Variants in SGCZ observed in about 807,000 individuals in gnomAD.
The protein encoded by SGCZ is sarcoglycan zeta.
A neutral mutation model predicts 41.3 loss-of-function variants in SGCZ; 40 were observed. The ratio of observed to expected loss-of-function variants is 0.97; its 90% confidence interval spans 0.75 to 1.26. The LOEUF (loss-of-function observed/expected upper bound fraction) is 1.26. Among genes scored for constraint, SGCZ ranks in the 50% most tolerant of loss-of-function variants. The pLI, the probability that SGCZ is intolerant of heterozygous loss-of-function variation, is 0.00. For missense variants in SGCZ, 552 were observed against 369.8 expected, an observed-to-expected ratio of 1.49 and a Z score of -4.04; for synonymous variants, 206 against 137.5, an observed-to-expected ratio of 1.50 and a Z score of -3.49.
intron 2 of SGCZ, among the ~76,000 whole-genome samples, chr8:14,540,464 C>T (rs1803430282): frequency 6.6e-6 from 1 of 151,492 alleles, no homozygotes; most frequent in Non-Finnish European, 1.5e-5. Flanking sequence ...ATATCTGTTA[C>T]ATTATATCTC....
chr8:14,908,743 C>CAAAAAAAA (rs58817872), intron 1 of SGCZ, among the ~76,000 whole-genome samples: 3 of 91,138 alleles, frequency 3.3e-5, no homozygotes, highest in African/African-American at 8.2e-5. Flanking sequence ...GTCACCGTTG[C>CAAAAAAAA]AAAAAAAAAA....
chr8:14,171,005 T>C (rs1478023), intron 4 of SGCZ, among the ~76,000 whole-genome samples: 45,205 of 151,902 alleles, frequency 0.3, 7,431 homozygotes, highest in East Asian at 0.7. Context: ...ATTTTGGCAG[T>C]TGTTAATGTC....
chr8:14,323,287 A>C (rs1407649972), intron 3 of SGCZ, among the ~76,000 whole-genome samples: 1 of 152,098 alleles, frequency 6.6e-6, no homozygotes, highest in African/African-American at 2.4e-5. Flanking sequence ...TGATTAAAAT[A>C]TTAAAACATT....
intron 1 of SGCZ, among the ~76,000 whole-genome samples, chr8:14,668,027 G>A (rs1036274440): frequency 2.6e-5 from 4 of 152,072 alleles, no homozygotes; most frequent in African/African-American, 9.7e-5. Flanking sequence ...CACAATCCCG[G>A]CTCACTGCAA....
intron 1 of SGCZ, among the ~76,000 whole-genome samples, chr8:15,016,399 G>A (rs1803033807): frequency 6.6e-6 from 1 of 152,180 alleles, no homozygotes; most frequent in South Asian, 2.1e-4. Context: ...GATGGTAGGT[G>A]GATGGGTGGG....
intron 3 of SGCZ, among the ~76,000 whole-genome samples, chr8:14,283,736 G>C (rs1013328358): frequency 3.9e-5 from 6 of 152,252 alleles, no homozygotes; most frequent in African/African-American, 1.4e-4. Context: ...AAATAGTTTA[G>C]GATTTCTGGG....
intron 1 of SGCZ, among the ~76,000 whole-genome samples, chr8:15,097,857 C>CACAT (rs1563123989): frequency 1.8e-4 from 7 of 39,442 alleles, no homozygotes; most frequent in South Asian, 2.8e-3. Context: ...TATATATATA[C>CACAT]GTGTGTGTGT....
At chr8:15,197,301 C>A (rs867637498) in intron 1 of SGCZ, among the ~76,000 whole-genome samples, 4 of 152,120 alleles carry the variant, frequency 2.6e-5, no homozygotes, top group African/African-American at 4.8e-5. Context: ...TTAACAATTT[C>A]TTTTTTCTCT....
intron 1 of SGCZ, among the ~76,000 whole-genome samples, chr8:14,657,180 T>G (rs560638491): frequency 2.0e-5 from 3 of 152,216 alleles, no homozygotes; most frequent in African/African-American, 7.2e-5. Context: ...CTCAGCAGTC[T>G]AATTTTCTTA....
chr8:14,392,406 C>T (rs990743520), intron 2 of SGCZ, among the ~76,000 whole-genome samples: 5 of 152,068 alleles, frequency 3.3e-5, no homozygotes, highest in African/African-American at 1.2e-4. Flanking sequence ...AACTGAGGAG[C>T]CCATGGTAAT....
At chr8:14,349,980 G>A (rs1272559581) in intron 2 of SGCZ, among the ~76,000 whole-genome samples, 1 of 151,964 alleles carries the variant, frequency 6.6e-6, no homozygotes, top group African/African-American at 2.4e-5. Flanking sequence ...AAATTTACTG[G>A]CAAATTAAAT....
At chr8:14,622,999 T>C (rs983816650) in intron 1 of SGCZ, among the ~76,000 whole-genome samples, 2 of 152,184 alleles carry the variant, frequency 1.3e-5, no homozygotes, top group African/African-American at 4.8e-5. Flanking sequence ...ATGTCTGTAG[T>C]GAAAAGGTCC....
Position 14,688,492 on chromosome 8 carries a change from A to T in SGCZ, c.40-133566T>A, listed in dbSNP as rs1808691059. On this transcript the variant is annotated intron_variant, in intron 1 of 7. Coordinates refer to ENST00000382080, the MANE Select transcript of SGCZ (RefSeq NM_139167.4). ...CTTGTTTTTCTCAGGTTTGTCAAAG[A>T]TCAGATAGTTGTAGATATGCAGCAT... 2.0e-5 allele frequency among the ~76,000 whole-genome samples: 3 copies of T among 152,266 alleles called. No homozygotes were observed. The South Asian group carries it at 6.2e-4, about 32-fold the overall frequency.
intron 1 of SGCZ, among the ~76,000 whole-genome samples, chr8:15,021,824 T>C (rs754032014): frequency 1.7e-4 from 26 of 152,210 alleles, no homozygotes; most frequent in Non-Finnish European, 3.2e-4. Context: ...TTAGCATTGA[T>C]GTCTCTGACC....
intron 2 of SGCZ, among the ~76,000 whole-genome samples, chr8:14,485,991 G>A (rs1000863922): frequency 6.6e-6 from 1 of 151,882 alleles, no homozygotes; most frequent in Non-Finnish European, 1.5e-5. Flanking sequence ...ACAGGCGTCC[G>A]CCACCGCGCC....
chr8:14,948,754 T>C (rs1045808290), intron 1 of SGCZ, among the ~76,000 whole-genome samples: 3 of 152,184 alleles, frequency 2.0e-5, no homozygotes, highest in African/African-American at 7.2e-5. Flanking sequence ...TCTTGAACTC[T>C]TTCCTATTCT....
At chr8:14,317,857 C>T (rs1211909488) in intron 3 of SGCZ, among the ~76,000 whole-genome samples, 2 of 151,816 alleles carry the variant, frequency 1.3e-5, no homozygotes, top group African/African-American at 4.8e-5. Flanking sequence ...AGCTTCCCAA[C>T]AGAAATTTTT....
At chr8:14,117,738 C>A (rs958366963) in intron 5 of SGCZ, among the ~76,000 whole-genome samples, 1 of 151,196 alleles carries the variant, frequency 6.6e-6, no homozygotes, top group Admixed American at 6.6e-5. Flanking sequence ...TCCCTTAGTC[C>A]CACATCCCCT....
chr8:14,812,719 T>A (rs1369232895), intron 1 of SGCZ, among the ~76,000 whole-genome samples: 1 of 152,166 alleles, frequency 6.6e-6, no homozygotes, highest in Non-Finnish European at 1.5e-5. Context: ...ATCAGACGGT[T>A]TAAATGACCA....
Sources: allele counts gnomAD v4.1 joint callset (sites outside exome capture counted in the v4.1 genomes callset), GRCh38; gene constraint gnomAD v4.1.1; transcripts MANE v1.5; gene names NCBI Gene and HGNC (gene_info 2026-07-23, HGNC 2026-07-21).